DLG1: variants seen among roughly 807,000 people sequenced by gnomAD.
DLG1 encodes the protein disks large homolog 1.
Under a neutral mutation model 123.4 loss-of-function variants are expected in DLG1, and 42 were observed. That is an observed-to-expected ratio of 0.34 (90% CI 0.27 to 0.44). The LOEUF (loss-of-function observed/expected upper bound fraction) is 0.44, where lower values mean the gene tolerates loss of function less well. Among genes scored for constraint, DLG1 ranks in the 20% least tolerant of loss-of-function variants. The pLI, the probability that DLG1 is intolerant of heterozygous loss-of-function variation, is 1.00. For missense variants in DLG1, 942 were observed against 1,082.6 expected (o/e 0.87, Z 1.82); for synonymous variants, 317 against 356.2 (o/e 0.89, Z 1.24).
At chr3:197,198,824 G>T (rs1205549258) in intron 4 of DLG1, among the ~76,000 whole-genome samples, 1 of 152,110 alleles carries the variant, frequency 6.6e-6, no homozygotes, top group African/African-American at 2.4e-5. Flanking sequence ...ATTACTGATG[G>T]GAATGAAAAT....
intron 6 of DLG1, among the ~76,000 whole-genome samples, chr3:197,143,503 G>A (rs1020281592): frequency 6.6e-6 from 1 of 152,018 alleles, no homozygotes; most frequent in South Asian, 2.1e-4. Context: ...TGATCCACCC[G>A]CCTCGGCCTC....
chr3:197,096,806 G>A (rs1345055794), intron 14 of DLG1, among the ~76,000 whole-genome samples: 1 of 152,054 alleles, frequency 6.6e-6, no homozygotes, highest in African/African-American at 2.4e-5. Flanking sequence ...TAAACTATAT[G>A]TCTTTCTGGT....
At chr3:197,120,619 G>A (rs953074771) in intron 11 of DLG1, among the ~76,000 whole-genome samples, 1 of 152,072 alleles carries the variant, frequency 6.6e-6, no homozygotes, top group Non-Finnish European at 1.5e-5. Context: ...TTCTATGGAG[G>A]GAAGCAGCAT....
At chr3:197,173,604 T>G (rs570798469) in intron 5 of DLG1, among the ~76,000 whole-genome samples, 2 of 152,296 alleles carry the variant, frequency 1.3e-5, no homozygotes, top group East Asian at 3.9e-4. Context: ...TACATTTTAC[T>G]GCAAAGACAA....
At chr3:197,058,108 A>G (rs1214567322) in intron 23 of DLG1, among the ~76,000 whole-genome samples, 1 of 151,910 alleles carries the variant, frequency 6.6e-6, no homozygotes, top group Non-Finnish European at 1.5e-5. Context: ...CATCCCAAGT[A>G]GCTGAGACCA....
chr3:197,047,375 T>G (rs752346954), intron 24 of DLG1, among the ~76,000 whole-genome samples: 1 of 152,216 alleles, frequency 6.6e-6, no homozygotes, highest in Non-Finnish European at 1.5e-5. Flanking sequence ...CCCTGTACTA[T>G]TCTTGTAACT....
intron 14 of DLG1, among the ~76,000 whole-genome samples, chr3:197,093,109 T>C (rs919721878): frequency 6.6e-6 from 1 of 152,138 alleles, no homozygotes; most frequent in African/African-American, 2.4e-5. Context: ...TTTTTATATC[T>C]GTATATATGT....
At chr3:197,153,001 A>T (rs1794712599) in intron 5 of DLG1, among the ~76,000 whole-genome samples, 1 of 152,156 alleles carries the variant, frequency 6.6e-6, no homozygotes, top group African/African-American at 2.4e-5. Flanking sequence ...CACTTTTACA[A>T]TCTGCATTGT....
chr3:197,051,833 ATTTTTTTTTTTTTTTT>A (rs35979905), intron 23 of DLG1, among the ~76,000 whole-genome samples, 165 bp from the exon 24 acceptor site: 1 of 90,254 alleles, frequency 1.1e-5, no homozygotes, highest in African/African-American at 4.1e-5. Context: ...ATTTCTGGGA[ATTTTTTTTTTTTTTTT>A]TTTTTTTTTT....
At chr3:197,252,941 T>C (rs1755164641) in intron 4 of DLG1, among the ~76,000 whole-genome samples, 1 of 151,560 alleles carries the variant, frequency 6.6e-6, no homozygotes, top group Non-Finnish European at 1.5e-5. Context: ...TTTACCACAA[T>C]AAAAAAAATA....
intron 4 of DLG1, among the ~76,000 whole-genome samples, chr3:197,243,059 T>A (rs1200368884): frequency 6.6e-6 from 1 of 152,194 alleles, no homozygotes; most frequent in Non-Finnish European, 1.5e-5. Flanking sequence ...CTGCCTGCGT[T>A]AGTTACGATC....
At chr3:197,250,378 G>A (rs143100359) in intron 4 of DLG1, among the ~76,000 whole-genome samples, 20 of 152,118 alleles carry the variant, frequency 1.3e-4, no homozygotes, top group African/African-American at 4.8e-4. Context: ...GACCAGCCTG[G>A]CCAACATTGT....
intron 4 of DLG1, among the ~76,000 whole-genome samples, chr3:197,200,430 T>G (rs1403329735): frequency 6.6e-6 from 1 of 152,298 alleles, no homozygotes; most frequent in East Asian, 1.9e-4. Context: ...CAGTGAGGCT[T>G]AATATGAATT....
At chr3:197,057,727 C>T (rs1298150981) in intron 23 of DLG1, among the ~76,000 whole-genome samples, 1 of 152,114 alleles carries the variant, frequency 6.6e-6, no homozygotes, top group Non-Finnish European at 1.5e-5. Context: ...CCCTTTGTCC[C>T]TTTTCCTGTC....
At chr3:197,097,577 TTTC>T (rs1405489114) in intron 14 of DLG1, among the ~76,000 whole-genome samples, 129 of 140,324 alleles carry the variant, frequency 9.2e-4, no homozygotes, top group African/African-American at 3.1e-3. Flanking sequence ...TTTTTTGTAC[TTTC>T]TTTTTTTTTT....
Position 197,178,986 on chromosome 3 carries a change from T to C in DLG1, c.483+15439A>G, listed in dbSNP as rs138172835. On this transcript the variant is annotated intron_variant, in intron 5 of 24. Coordinates refer to ENST00000667157, the MANE Select transcript of DLG1 (RefSeq NM_001366207.1). ...GAGAGAAAGGGATTTCAGAAGTTCT[T>C]GAACAACCAAAGGGACTACGATCTA... 3.0e-4 allele frequency among the ~76,000 whole-genome samples: 46 copies of C among 152,250 alleles called. No homozygotes were observed. The East Asian group carries it at 7.9e-3, about 26-fold the overall frequency.
intron 4 of DLG1, chr3:197,226,365 G>A (rs950779871): frequency 1.3e-5 from 2 of 152,088 alleles, no homozygotes; most frequent in East Asian, 1.9e-4. Context: ...GATACAACTC[G>A]AGCAGAGCCA....
chr3:197,218,919 G>A (rs1265250175), intron 4 of DLG1, among the ~76,000 whole-genome samples: 2 of 152,134 alleles, frequency 1.3e-5, no homozygotes, highest in Non-Finnish European at 2.9e-5. Context: ...ATCACCTGAG[G>A]TCGGGAATTC....
At chr3:197,189,701 GT>G (rs2150212237) in intron 5 of DLG1, among the ~76,000 whole-genome samples, 2 of 152,316 alleles carry the variant, frequency 1.3e-5, no homozygotes, top group East Asian at 3.9e-4. Context: ...AGATGGCCAG[GT>G]TTTCAGACGC....
Sources: gnomAD v4.1 joint callset for allele counts (sites outside exome capture counted in the v4.1 genomes callset) on GRCh38, gnomAD v4.1.1 for gene constraint, MANE v1.5 for transcripts, NCBI Gene and HGNC (gene_info 2026-07-23, HGNC 2026-07-21) for gene names.